TPD52L2: variants seen among roughly 807,000 people sequenced by gnomAD.
TPD52L2 encodes tumor protein D54.
Under a neutral mutation model 24.7 loss-of-function variants are expected in TPD52L2, and 19 were observed. The ratio of observed to expected loss-of-function variants is 0.77; its 90% CI spans 0.54 to 1.13. The LOEUF is 1.13. Among genes scored for constraint, TPD52L2 ranks in the 50% most tolerant of loss-of-function variants. The probability of loss-of-function intolerance (pLI) is 0.00; values close to 1 mark genes in which losing one functional copy is unlikely to be tolerated. For missense variants in TPD52L2, 236 were observed against 250.4 expected (o/e 0.94, Z 0.39); for synonymous variants, 104 against 100.2 (o/e 1.04, Z -0.23).
At chr20:63,869,598 G>C (rs1327634463) in intron 2 of TPD52L2, among the ~76,000 whole-genome samples, 157 bp downstream of exon 2, 1 of 152,164 alleles carries the variant, frequency 6.6e-6, no homozygotes, top group Non-Finnish European at 1.5e-5. Flanking sequence ...CTCTTTGTAT[G>C]TGCCCAGCTC....
intron 4 of TPD52L2, among the ~76,000 whole-genome samples, chr20:63,881,234 G>C (rs940987009): frequency 6.6e-6 from 1 of 152,148 alleles, no homozygotes; most frequent in South Asian, 2.1e-4. Flanking sequence ...GGTGGTGGGT[G>C]CCTGTAATCC....
Position 63,891,271 on chromosome 20 carries a change from C to T in TPD52L2, c.*1326C>T, listed in dbSNP as rs887115378. 6.5e-6 allele frequency: 1 copy of T among 152,778 alleles called. No homozygotes were observed. Among genetic ancestry groups the T allele is most frequent in the Non-Finnish European group, 1.5e-5 (1 of 68,134 alleles). The allele number at this position is 152,778 out of a possible 1,614,324, so 9.5% of individuals were successfully genotyped here. A position where few individuals can be genotyped will look rare whatever the true frequency, so the allele number is the denominator to read the frequency against. On this transcript the variant is annotated 3_prime_UTR_variant, in exon 7 of 7. Transcript: ENST00000346249. The surrounding 1 kb of genome is among the most constrained non-coding windows in gnomAD (Gnocchi z 4.7). Reference sequence around the variant, plus strand: ...CACTCCCGGGAGGGGAAGGGCTGCTCAGCTCAAGGTGTCCTGTTCGGTAGA... The same window carrying T: ...CACTCCCGGGAGGGGAAGGGCTGCTTAGCTCAAGGTGTCCTGTTCGGTAGA...
At chr20:63,886,014 A>G (rs747461132) in intron 5 of TPD52L2, 1 of 1,614,126 alleles carries the variant, frequency 6.2e-7, no homozygotes, top group Non-Finnish European at 8.5e-7. Context: ...GCCACCTTCC[A>G]GGGCTCATCC....
intron 1 of TPD52L2, 125 bp from the exon 2 acceptor site, chr20:63,869,171 A>G: frequency 9.5e-7 from 1 of 1,056,678 alleles, no homozygotes; most frequent in Admixed American, 1.8e-5. Flanking sequence ...CCTTTCAGAG[A>G]AGAGGTGTTA....
chr20:63,868,013 A>G (rs1450185890), intron 1 of TPD52L2, among the ~76,000 whole-genome samples: 1 of 151,378 alleles, frequency 6.6e-6, no homozygotes, highest in African/African-American at 2.4e-5. Flanking sequence ...TCCCGGGTTC[A>G]AGTGATTCTC....
intron 4 of TPD52L2, among the ~76,000 whole-genome samples, chr20:63,881,599 T>C (rs1211830230): frequency 6.6e-6 from 1 of 152,054 alleles, no homozygotes; most frequent in African/African-American, 2.4e-5. Flanking sequence ...GTGCCGCCAG[T>C]GGGAGCAGGA....
chr20:63,874,774 A>G (rs2052604906), intron 3 of TPD52L2, among the ~76,000 whole-genome samples: 1 of 152,170 alleles, frequency 6.6e-6, no homozygotes. Flanking sequence ...AGCACTGATC[A>G]GGTCCTTGGC....
intron 4 of TPD52L2, among the ~76,000 whole-genome samples, chr20:63,876,185 T>C (rs941200478): frequency 3.3e-5 from 5 of 152,218 alleles, no homozygotes; most frequent in African/African-American, 1.2e-4. Flanking sequence ...GCTCCTTGGC[T>C]TCCGGCAGTG....
At chr20:63,888,848 C>T (rs930766555) in intron 5 of TPD52L2, 2 of 354,408 alleles carry the variant, frequency 5.6e-6, no homozygotes, top group East Asian at 5.0e-5. Context: ...CGACAGCCCC[C>T]CAACTGCACA....
At chr20:63,887,700 C>T (rs2053186020) in intron 5 of TPD52L2, 2 of 1,298,896 alleles carry the variant, frequency 1.5e-6, no homozygotes, top group South Asian at 1.3e-5. Context: ...TTCCCATATT[C>T]CTGGATTAAT....
intron 1 of TPD52L2, among the ~76,000 whole-genome samples, chr20:63,868,975 C>T (rs1370405795): frequency 1.1e-4 from 16 of 152,184 alleles, no homozygotes; most frequent in Non-Finnish European, 4.4e-5. Context: ...GATTGAGCTG[C>T]TTTCTCTGTA....
At chr20:63,873,541 T>C in intron 2 of TPD52L2, 127 bp from the exon 3 acceptor site, 3 of 1,089,206 alleles carry the variant, frequency 2.8e-6, no homozygotes, top group Non-Finnish European at 2.6e-6. Context: ...TAGATGCTGT[T>C]ATTCCTAGGA....
At chr20:63,875,780 C>G in intron 3 of TPD52L2, 36 bp from the exon 4 acceptor site, 1 of 1,607,566 alleles carries the variant, frequency 6.2e-7, no homozygotes, top group Non-Finnish European at 8.5e-7. Flanking sequence ...TAAAATTGTT[C>G]TTCTAAATAA....
rs769126709 is a variant in TPD52L2, at chr20:63,865,332, G to T, written c.-34G>T. 33 of 1,519,846 alleles carry T rather than the reference G, an allele frequency of 2.2e-5. No homozygotes were observed. The highest frequency in any genetic ancestry group is 1.8e-4 in the Middle Eastern group (1 of 5,650). The allele number at this position is 1,519,846 out of a possible 1,614,324, so 94.1% of individuals were successfully genotyped here. On this transcript the variant is annotated 5_prime_UTR_variant, in exon 1 of 7. Coordinates refer to ENST00000346249, the MANE Select transcript of TPD52L2 (RefSeq NM_003288.4). ...CGGCGCCGCCCGCTCGGCTCCCATA[G>T]CGCCCGCGACAGCGGTCCGGACGCC...
In TPD52L2 at chr20:63,869,451, C is replaced by T; in HGVS notation, c.165+10C>T. ...GGCTGAGCTTACCAAGGTGCTGTGG[C>T]TTGGCTGTCTGTCCTGGGGTGAATT... On this transcript the variant is annotated intron_variant, in intron 2 of 6. Coordinates refer to ENST00000346249, the MANE Select transcript of TPD52L2 (RefSeq NM_003288.4). 1.9e-6 allele frequency: 3 copies of T among 1,613,768 alleles called. No homozygotes were observed. Among genetic ancestry groups the T allele is most frequent in the Non-Finnish European group, 2.5e-6 (3 of 1,179,798 alleles).
chr20:63,882,099 C>T (rs1232844251), intron 4 of TPD52L2, among the ~76,000 whole-genome samples: 2 of 152,242 alleles, frequency 1.3e-5, no homozygotes, highest in African/African-American at 2.4e-5. Flanking sequence ...GTCCGATGTT[C>T]TGAAGGCACA....
intron 5 of TPD52L2, among the ~76,000 whole-genome samples, chr20:63,884,921 A>G (rs1048707779): frequency 2.6e-5 from 4 of 151,936 alleles, no homozygotes; most frequent in Admixed American, 2.0e-4. Context: ...TCCTCCATTT[A>G]TGTTTGTAGT....
chr20:63,884,447 C>A (rs1238882491), intron 5 of TPD52L2, among the ~76,000 whole-genome samples: 1 of 152,176 alleles, frequency 6.6e-6, no homozygotes, highest in Non-Finnish European at 1.5e-5. Flanking sequence ...TTGTTCAGAC[C>A]ATTGTGGTGG....
chr20:63,881,948 G>A (rs2052915103), intron 4 of TPD52L2, among the ~76,000 whole-genome samples: 1 of 152,194 alleles, frequency 6.6e-6, no homozygotes, highest in African/African-American at 2.4e-5. Flanking sequence ...TCCTGCAGAC[G>A]CCAAGGCCCT....
Sources: allele counts gnomAD v4.1 joint callset (sites outside exome capture counted in the v4.1 genomes callset), GRCh38; gene constraint gnomAD v4.1.1; non-coding constraint Gnocchi (gnomAD v3.1); transcripts MANE v1.5; gene names NCBI Gene and HGNC (gene_info 2026-07-23, HGNC 2026-07-21).